Variants in NUSAP1 observed in about 807,000 individuals in gnomAD.
NUSAP1 encodes the protein nucleolar and spindle-associated protein 1.
NUSAP1 carries 32 observed loss-of-function variants against 52.8 expected under a neutral mutation model. The ratio of observed to expected loss-of-function variants is 0.61; its 90% CI spans 0.46 to 0.81. The LOEUF (loss-of-function observed/expected upper bound fraction) is 0.81. NUSAP1 is among the 40% of genes least tolerant of loss of function. NUSAP1 has a pLI of 0.00. For missense variants in NUSAP1, 499 were observed against 522.3 expected, an observed-to-expected ratio of 0.96 and a Z score of 0.43; for synonymous variants, 195 against 183.1, an observed-to-expected ratio of 1.06 and a Z score of -0.52.
At chr15:41,351,275 C>G in intron 4 of NUSAP1, 146 bp downstream of exon 4, 4 of 785,034 alleles carry the variant, frequency 5.1e-6, no homozygotes, top group Non-Finnish European at 7.7e-6. Context: ...TTTCATAGTT[C>G]TAGAGGCTGG....
In NUSAP1 at chr15:41,345,864, G is replaced by C. The variant is rs557648492; in HGVS notation, c.163-3234G>C. Among the ~76,000 whole-genome samples the C allele has an allele frequency of 3.9e-5, 6 of 152,160 alleles. No homozygotes were observed. In the East Asian group the frequency reaches 1.2e-3, roughly 29 times the overall value. On this transcript the variant is annotated intron_variant, in intron 2 of 10. Transcript: ENST00000559596. ...TCATCTTATTTTGGACAAGTTCAAA[G>C]GTCCATCTGGATGTCTCTTCTTACT...
chr15:41,375,772 C>G lies in NUSAP1; in HGVS notation c.1067C>G (p.Pro356Arg), dbSNP rs1470144931. The G allele has an allele frequency of 8.7e-6, 14 of 1,613,784 alleles. No homozygotes were observed. The highest frequency in any genetic ancestry group is 1.2e-5 in the Non-Finnish European group (14 of 1,179,812). Residue 356 changes from proline to arginine, a missense_variant, in exon 9 of 11, where the codon CCA (proline) becomes CGA (arginine). Pro to Arg is a moderately radical substitution (Grantham distance 103, BLOSUM62 -2). Transcript: ENST00000559596. ...ATQTPVSNKK[P>R]VFDLKASLSR... is the part of the protein sequence containing the mutation. ...CAGACTCCAGTCTCCAATAAGAAAC[C>G]AGTGTTTGATCTTAAAGCAAGTTTG...
chr15:41,370,285 G>C lies in NUSAP1; in HGVS notation c.849-1242G>C, dbSNP rs181927333. Reference sequence around the variant, plus strand: ...TAGTCCCAGCTACTTGGGAGGCTGAGGCAGGAGAATGGTGTTAACCCAGGA... The same window carrying C: ...TAGTCCCAGCTACTTGGGAGGCTGACGCAGGAGAATGGTGTTAACCCAGGA... On this transcript the variant is annotated intron_variant, in intron 7 of 10. Coordinates refer to ENST00000559596, the MANE Select transcript of NUSAP1 (RefSeq NM_016359.5). 2.6e-3 allele frequency among the ~76,000 whole-genome samples: 393 copies of C among 152,198 alleles called. 1 individual carries two copies. The highest frequency in any genetic ancestry group is 9.0e-3 in the African/African-American group (372 of 41,524).
chr15:41,374,452 A>G (rs1164056250), intron 8 of NUSAP1, among the ~76,000 whole-genome samples: 1 of 152,152 alleles, frequency 6.6e-6, no homozygotes, highest in African/African-American at 2.4e-5. Flanking sequence ...CAAAGGCCCT[A>G]CTTCCTTACA....
chr15:41,341,259 T>C (rs896109552), intron 1 of NUSAP1, among the ~76,000 whole-genome samples: 2 of 151,952 alleles, frequency 1.3e-5, no homozygotes, highest in African/African-American at 2.4e-5. Context: ...AGAGACGGGG[T>C]TTCACCATGT....
chr15:41,367,303 T>C (rs968679165), intron 7 of NUSAP1, among the ~76,000 whole-genome samples: 29 of 152,326 alleles, frequency 1.9e-4, no homozygotes, highest in African/African-American at 7.0e-4. Flanking sequence ...GTATGTCAGC[T>C]GCTTGAGAGT....
intron 1 of NUSAP1, 121 bp downstream of exon 1, chr15:41,333,171 G>T: frequency 1.4e-6 from 1 of 711,870 alleles, no homozygotes; most frequent in Non-Finnish European, 2.4e-6. Flanking sequence ...CTGCCCCTCG[G>T]GCAGTAGATG....
chr15:41,380,295 A>G lies in NUSAP1; in HGVS notation c.*109A>G. The G allele has an allele frequency of 1.4e-6, 1 of 694,740 alleles. No homozygotes were observed. Among genetic ancestry groups the G allele is most frequent in the Non-Finnish European group, 2.5e-6 (1 of 404,880 alleles). The allele number at this position is 694,740 out of a possible 1,614,324, so 43.0% of individuals were successfully genotyped here. ...TTTAGTCACGAGATCTTTTTCTGCT[A>G]ACTGTTCATAGTCTGTGTAGTGTCC... On this transcript the variant is annotated 3_prime_UTR_variant, in exon 11 of 11. Coordinates refer to ENST00000559596, the MANE Select transcript of NUSAP1 (RefSeq NM_016359.5).
intron 1 of NUSAP1, among the ~76,000 whole-genome samples, chr15:41,335,166 CAA>C (rs1307071255): frequency 6.6e-6 from 1 of 150,504 alleles, no homozygotes; most frequent in Non-Finnish European, 1.5e-5. Context: ...GAGAAATTAT[CAA>C]GATTTGATTA....
chr15:41,345,529 G>C, intron 2 of NUSAP1: 1 of 402,706 alleles, frequency 2.5e-6, no homozygotes, highest in Non-Finnish European at 4.8e-6. Flanking sequence ...ACACGATCTC[G>C]GCTCACCGCA....
At chr15:41,336,648 G>GTTTTT (rs75426159) in intron 1 of NUSAP1, among the ~76,000 whole-genome samples, 1,385 of 91,160 alleles carry the variant, frequency 0.015, 37 homozygotes, top group African/African-American at 0.035. Flanking sequence ...CCTCCTTTTG[G>GTTTTT]TTTTTTTTTT....
At chr15:41,351,697 G>C (rs935817951) in intron 4 of NUSAP1, among the ~76,000 whole-genome samples, 24 of 152,238 alleles carry the variant, frequency 1.6e-4, no homozygotes, top group African/African-American at 4.3e-4. Context: ...TGAGGTGAAA[G>C]GGTTGCTTGA....
chr15:41,374,506 G>A (rs777775976), intron 8 of NUSAP1, among the ~76,000 whole-genome samples: 7 of 152,198 alleles, frequency 4.6e-5, no homozygotes, highest in South Asian at 2.1e-4. Context: ...ATTTGGGATC[G>A]CAGGAGATAC....
chr15:41,338,825 C>T (rs1035550639), intron 1 of NUSAP1, among the ~76,000 whole-genome samples: 10 of 151,812 alleles, frequency 6.6e-5, no homozygotes, highest in Non-Finnish European at 1.3e-4. Flanking sequence ...ATTAGCCAGG[C>T]GTGGTGGCAT....
chr15:41,340,027 C>T (rs1447323423), intron 1 of NUSAP1, among the ~76,000 whole-genome samples: 1 of 152,110 alleles, frequency 6.6e-6, no homozygotes, highest in Non-Finnish European at 1.5e-5. Flanking sequence ...CCTGCCTCGG[C>T]CTCCCAAAGT....
intron 7 of NUSAP1, among the ~76,000 whole-genome samples, chr15:41,366,914 G>C (rs985166239): frequency 3.3e-5 from 5 of 152,224 alleles, no homozygotes; most frequent in African/African-American, 9.6e-5. Flanking sequence ...GTCTTAGCGT[G>C]TCATTTAAGT....
At chr15:41,353,547 G>C (rs562867331) in intron 4 of NUSAP1, among the ~76,000 whole-genome samples, 1 of 152,238 alleles carries the variant, frequency 6.6e-6, no homozygotes, top group East Asian at 1.9e-4. Context: ...CCTCTGCCTT[G>C]TTTTACGGAT....
intron 7 of NUSAP1, among the ~76,000 whole-genome samples, chr15:41,368,012 C>T (rs1172962492): frequency 6.6e-6 from 1 of 152,126 alleles, no homozygotes; most frequent in African/African-American, 2.4e-5. Context: ...CATTTGAGTC[C>T]AGAAGTTTGA....
In NUSAP1 at chr15:41,377,792, C is replaced by G. The variant is rs1373316844; in HGVS notation, c.1232+488C>G. Among the ~76,000 whole-genome samples, 47 of 147,586 alleles carry G rather than the reference C, an allele frequency of 3.2e-4. 1 individual carries two copies. In the East Asian group the frequency reaches 9.0e-3, roughly 28 times the overall value. ...GGCCGAGGGGGGCAGATCACGAGGTCAGATCGAGACCATCCTGGCTAACGC... is the reference window on the plus strand; with the variant it reads ...GGCCGAGGGGGGCAGATCACGAGGTGAGATCGAGACCATCCTGGCTAACGC... On this transcript the variant is annotated intron_variant, in intron 10 of 10. Transcript: ENST00000559596.
Sources: gnomAD v4.1 joint callset for allele counts (sites outside exome capture counted in the v4.1 genomes callset) on GRCh38, gnomAD v4.1.1 for gene constraint, MANE v1.5 for transcripts, NCBI Gene and HGNC (gene_info 2026-07-23, HGNC 2026-07-21) for gene names.